The following PRKCE variants were observed in gnomAD, a reference collection of about 807,000 sequenced individuals.
PRKCE encodes protein kinase C epsilon.
A neutral mutation model predicts 85.4 loss-of-function variants in PRKCE; 16 were observed. That is an observed-to-expected ratio of 0.19 (90% CI 0.13 to 0.28). PRKCE has a LOEUF of 0.28. Ranked by LOEUF, PRKCE falls within the 10% of genes least tolerant of loss-of-function variation. The pLI, the probability that PRKCE is intolerant of heterozygous loss-of-function variation, is 1.00. For synonymous variants in PRKCE, 388 were observed against 371.5 expected (o/e 1.04, Z -0.51); for missense variants, 573 against 975.2 (o/e 0.59, Z 5.49).
intron 2 of PRKCE, among the ~76,000 whole-genome samples, chr2:45,852,422 T>A (rs1465613119): frequency 6.6e-6 from 1 of 152,230 alleles, no homozygotes; most frequent in African/African-American, 2.4e-5. Flanking sequence ...GCTCCATAAT[T>A]AGTTAATTAC....
chr2:45,885,117 T>C (rs1174946185), intron 2 of PRKCE, among the ~76,000 whole-genome samples: 1 of 151,586 alleles, frequency 6.6e-6, no homozygotes, highest in African/African-American at 2.4e-5. Context: ...TCTTATGACT[T>C]GGTCTCTCTG....
At position 46,187,141 on chromosome 2, in the gene PRKCE, A is replaced by G. The variant is rs1402606155; in HGVS notation, c.*2260A>G. ...TACTGTTCTTTCTTCTGCTTTCTTC[A>G]CCATAATAAACTTTGGACAACCAAG... On this transcript the variant is annotated 3_prime_UTR_variant, in exon 15 of 15. Coordinates refer to ENST00000306156, the MANE Select transcript of PRKCE (RefSeq NM_005400.3). The G allele has an allele frequency of 6.6e-6, 1 of 152,552 alleles. No homozygotes were observed. The highest frequency in any genetic ancestry group is 1.5e-5 in the Non-Finnish European group (1 of 68,012). The allele number at this position is 152,552 out of a possible 1,614,324, so 9.4% of individuals were successfully genotyped here.
At chr2:45,855,456 C>T (rs1370733641) in intron 2 of PRKCE, among the ~76,000 whole-genome samples, 1 of 152,150 alleles carries the variant, frequency 6.6e-6, no homozygotes, top group African/African-American at 2.4e-5. Flanking sequence ...TTGTGTGAAC[C>T]CTTCCTAAGA....
intron 1 of PRKCE, among the ~76,000 whole-genome samples, chr2:45,759,705 C>T (rs1684282099): frequency 6.6e-6 from 1 of 152,276 alleles, no homozygotes; most frequent in Middle Eastern, 3.4e-3. Flanking sequence ...AATAGCTAGT[C>T]AGTGTGGTGA....
Position 45,813,478 on chromosome 2 carries a change from T to C in PRKCE, c.349-29522T>C, listed in dbSNP as rs72870755. Reference sequence around the variant, plus strand: ...AGGAGTGCAGACGGGGGCTGTAGTTTGTTATCCCCTTTCCTTCTGGCCACG... The same window carrying C: ...AGGAGTGCAGACGGGGGCTGTAGTTCGTTATCCCCTTTCCTTCTGGCCACG... On this transcript the variant is annotated intron_variant, in intron 1 of 14. Coordinates refer to ENST00000306156, the MANE Select transcript of PRKCE (RefSeq NM_005400.3). Among the ~76,000 whole-genome samples the C allele has an allele frequency of 7.8e-3, 1,190 of 152,322 alleles. 18 individuals are homozygous for C. The highest frequency in any genetic ancestry group is 0.027 in the African/African-American group (1,141 of 41,568).
At chr2:45,816,450 G>C (rs1168311451) in intron 1 of PRKCE, among the ~76,000 whole-genome samples, 1 of 152,164 alleles carries the variant, frequency 6.6e-6, no homozygotes, top group Non-Finnish European at 1.5e-5. Flanking sequence ...TACAGTGCAG[G>C]GGTGGATAAC....
Position 45,919,176 on chromosome 2 carries a change from C to T in PRKCE, c.413-57253C>T, listed in dbSNP as rs1051602755. Among the ~76,000 whole-genome samples, 6 of 152,130 alleles carry T rather than the reference C, an allele frequency of 3.9e-5. No homozygotes were observed. In the East Asian group the frequency reaches 7.7e-4, roughly 20 times the overall value. ...AGATGAGTAGGGGTTGTGGGGTAGACAGAGGGGAAAAGAGCTGATGAATTG... is the reference window on the plus strand; with the variant it reads ...AGATGAGTAGGGGTTGTGGGGTAGATAGAGGGGAAAAGAGCTGATGAATTG... On this transcript the variant is annotated intron_variant, in intron 2 of 14. Transcript: ENST00000306156.
chr2:45,955,358 C>T (rs960643841), intron 2 of PRKCE, among the ~76,000 whole-genome samples: 5 of 152,110 alleles, frequency 3.3e-5, no homozygotes, highest in African/African-American at 4.8e-5. Context: ...GGAGACTGAC[C>T]TGGTTGGTGT....
intron 11 of PRKCE, among the ~76,000 whole-genome samples, chr2:46,096,339 G>A (rs1238365360): frequency 6.6e-6 from 1 of 152,204 alleles, no homozygotes; most frequent in Middle Eastern, 3.2e-3. Flanking sequence ...ATTATTGGTT[G>A]GCTAAACGGA....
At chr2:45,921,497 A>G (rs1698246380) in intron 2 of PRKCE, among the ~76,000 whole-genome samples, 5 of 152,224 alleles carry the variant, frequency 3.3e-5, no homozygotes, top group Admixed American at 2.0e-4. Context: ...CAATGACCCA[A>G]CAAGTTATGT....
At chr2:45,825,389 G>T (rs931187563) in intron 1 of PRKCE, among the ~76,000 whole-genome samples, 10 of 152,208 alleles carry the variant, frequency 6.6e-5, no homozygotes, top group African/African-American at 2.4e-4. Flanking sequence ...AGCGGTGAGG[G>T]GTGGGACACC....
intron 1 of PRKCE, among the ~76,000 whole-genome samples, chr2:45,798,740 T>C (rs949422937): frequency 5.3e-5 from 8 of 151,434 alleles, no homozygotes; most frequent in African/African-American, 1.9e-4. Context: ...TTTCAAAGTG[T>C]ATATGGGCCA....
intron 11 of PRKCE, among the ~76,000 whole-genome samples, chr2:46,133,004 G>T (rs1446037819): frequency 2.0e-5 from 3 of 152,132 alleles, no homozygotes; most frequent in African/African-American, 7.2e-5. Context: ...TATCTGGGCT[G>T]GGGTGACCTA....
intron 1 of PRKCE, among the ~76,000 whole-genome samples, chr2:45,823,587 G>A (rs551701034): frequency 3.6e-4 from 55 of 152,318 alleles, no homozygotes; most frequent in Admixed American, 1.2e-3. Context: ...CAAGAAAGTC[G>A]GGGGTAGGGA....
intron 2 of PRKCE, among the ~76,000 whole-genome samples, chr2:45,865,528 C>T (rs1412628869): frequency 6.6e-6 from 1 of 152,162 alleles, no homozygotes; most frequent in Non-Finnish European, 1.5e-5. Context: ...CTCCAAAATT[C>T]AGATGTTGTG....
chr2:46,175,495 A>T (rs1286063485), intron 14 of PRKCE, among the ~76,000 whole-genome samples: 1 of 152,212 alleles, frequency 6.6e-6, no homozygotes, highest in Non-Finnish European at 1.5e-5. Context: ...CTTTCATTTA[A>T]TCCTCATAAC....
chr2:45,941,086 A>AAG (rs1408071524), intron 2 of PRKCE, among the ~76,000 whole-genome samples: 1 of 150,742 alleles, frequency 6.6e-6, no homozygotes, highest in Non-Finnish European at 1.5e-5. Flanking sequence ...AAAAAAAAAA[A>AAG]AGATGATAGG....
intron 11 of PRKCE, among the ~76,000 whole-genome samples, chr2:46,123,148 CAA>C (rs71394873): frequency 2.1e-4 from 18 of 84,288 alleles, no homozygotes; most frequent in African/African-American, 7.2e-4. Flanking sequence ...AGTTCACTAG[CAA>C]AAAAAAAAAA....
chr2:45,942,951 A>G (rs1573967666), intron 2 of PRKCE, among the ~76,000 whole-genome samples: 3 of 152,130 alleles, frequency 2.0e-5, no homozygotes, highest in Admixed American at 2.0e-4. Context: ...CTTATTCTCC[A>G]CTCCCCAGAA....
Sources: allele counts gnomAD v4.1 joint callset (sites outside exome capture counted in the v4.1 genomes callset), GRCh38; gene constraint gnomAD v4.1.1; transcripts MANE v1.5; gene names NCBI Gene and HGNC (gene_info 2026-07-23, HGNC 2026-07-21).